Variants in UST observed in about 807,000 individuals in gnomAD.
UST encodes chondroitin sulfate 2-O-sulfotransferase.
UST carries 21 observed loss-of-function variants against 45.6 expected under a neutral mutation model. The observed-to-expected ratio is 0.46, with a 90% CI of 0.33 to 0.66. The LOEUF (loss-of-function observed/expected upper bound fraction) is 0.66, where lower values mean the gene tolerates loss of function less well. Among genes scored for constraint, UST ranks in the 30% least tolerant of loss-of-function variants. UST has a pLI of 0.02. For synonymous variants in UST, 215 were observed against 200.6 expected, an observed-to-expected ratio of 1.07 and a Z score of -0.61; for missense variants, 463 against 512.4, an observed-to-expected ratio of 0.90 and a Z score of 0.93.
chr6:148,878,692 C>T (rs1370095608), intron 1 of UST, among the ~76,000 whole-genome samples: 13 of 125,048 alleles, frequency 1.0e-4, no homozygotes, highest in Admixed American at 1.8e-4. Context: ...GTGCGGGGGT[C>T]GTGTGTGAGT....
At chr6:149,045,845 A>G (rs1324334292) in intron 7 of UST, among the ~76,000 whole-genome samples, 1 of 152,168 alleles carries the variant, frequency 6.6e-6, no homozygotes, top group Non-Finnish European at 1.5e-5. Flanking sequence ...CCACAGTGCC[A>G]CAATTTTGCC....
intron 1 of UST, among the ~76,000 whole-genome samples, chr6:148,867,399 C>G (rs1257851762): frequency 6.6e-6 from 1 of 151,924 alleles, no homozygotes; most frequent in Non-Finnish European, 1.5e-5. Context: ...AGCACCGACT[C>G]TTTATAAAGA....
At chr6:148,827,262 C>G (rs34780175) in intron 1 of UST, among the ~76,000 whole-genome samples, 2 of 152,108 alleles carry the variant, frequency 1.3e-5, no homozygotes, top group Admixed American at 6.6e-5. Flanking sequence ...GAATTAGATT[C>G]TGAAGTTTTA....
intron 1 of UST, among the ~76,000 whole-genome samples, chr6:148,759,838 ACT>A (rs1356320296): frequency 2.6e-5 from 3 of 115,734 alleles, no homozygotes; most frequent in South Asian, 2.9e-4. Context: ...ACAGAGCGAG[ACT>A]CTGTCTCAAA....
At position 148,919,428 on chromosome 6, in the gene UST, G is replaced by T. The variant is rs568837300; in HGVS notation, c.292-21851G>T. 8.2e-4 allele frequency among the ~76,000 whole-genome samples: 125 copies of T among 151,976 alleles called. 1 individual carries two copies. The highest frequency in any genetic ancestry group is 2.9e-3 in the African/African-American group (121 of 41,376). ...CTCAGTGTCAGAGCCGTGTGTGTGT[G>T]TGTGTGTGTGTGTGTGTACACTTCT... On this transcript the variant is annotated intron_variant, in intron 2 of 7. Coordinates refer to ENST00000367463, the MANE Select transcript of UST (RefSeq NM_005715.3).
chr6:148,814,333 A>G (rs1777317263), intron 1 of UST, among the ~76,000 whole-genome samples: 1 of 152,124 alleles, frequency 6.6e-6, no homozygotes, highest in Non-Finnish European at 1.5e-5. Context: ...CTGCTTTTAG[A>G]GACTTAGAAG....
intron 5 of UST, among the ~76,000 whole-genome samples, chr6:148,982,496 T>C (rs974937197): frequency 1.3e-5 from 2 of 152,174 alleles, no homozygotes; most frequent in Non-Finnish European, 2.9e-5. Flanking sequence ...TACTATGACA[T>C]TGGCAACACC....
intron 7 of UST, among the ~76,000 whole-genome samples, chr6:149,071,428 T>C (rs1327275183): frequency 1.3e-5 from 2 of 152,092 alleles, no homozygotes; most frequent in African/African-American, 4.8e-5. Context: ...TAAAAGAAAA[T>C]GTGAGGGCAA....
chr6:148,927,183 AGAGAGAAAGGG>A (rs1347381391), intron 2 of UST, among the ~76,000 whole-genome samples: 2 of 151,880 alleles, frequency 1.3e-5, no homozygotes, highest in African/African-American at 4.8e-5. Context: ...AAAGAGAGAG[AGAGAGAAAGGG>A]GAGGGAAAGG....
intron 2 of UST, among the ~76,000 whole-genome samples, chr6:148,932,541 T>C (rs185151602): frequency 6.6e-6 from 1 of 152,358 alleles, no homozygotes; most frequent in Non-Finnish European, 1.5e-5. Context: ...TATTTGTTAA[T>C]TTGAAATTTG....
intron 1 of UST, among the ~76,000 whole-genome samples, chr6:148,833,667 G>C (rs565716676): frequency 1.4e-4 from 21 of 152,188 alleles, no homozygotes; most frequent in African/African-American, 4.6e-4. Context: ...AGATGTTCTA[G>C]TTTTGCTGGA....
intron 2 of UST, among the ~76,000 whole-genome samples, chr6:148,892,362 C>T (rs1409598345): frequency 1.3e-5 from 2 of 152,142 alleles, no homozygotes; most frequent in Non-Finnish European, 2.9e-5. Context: ...CCACTCTAGT[C>T]AATGAAATTA....
chr6:148,919,444 G>GTGTGTGTGTGTGTGTA (rs4047184), intron 2 of UST, among the ~76,000 whole-genome samples: 5 of 147,562 alleles, frequency 3.4e-5, no homozygotes, highest in African/African-American at 1.0e-4. Flanking sequence ...GTGTGTGTGT[G>GTGTGTGTGTGTGTGTA]TACACTTCTG....
chr6:148,937,663 C>T (rs1197933816), intron 2 of UST, among the ~76,000 whole-genome samples: 1 of 152,202 alleles, frequency 6.6e-6, no homozygotes, highest in Non-Finnish European at 1.5e-5. Context: ...GTCCAAGAGG[C>T]ACCTGTACTC....
chr6:148,977,515 GC>G (rs1355292092), intron 5 of UST, among the ~76,000 whole-genome samples: 1 of 151,976 alleles, frequency 6.6e-6, no homozygotes, highest in Non-Finnish European at 1.5e-5. Flanking sequence ...ACTTTGGGAG[GC>G]CAGGGCGGGC....
chr6:148,840,343 A>G (rs1562273684), intron 1 of UST, among the ~76,000 whole-genome samples: 1 of 152,184 alleles, frequency 6.6e-6, no homozygotes, highest in Non-Finnish European at 1.5e-5. Context: ...AGGAATGTCC[A>G]TGGGAAAATG....
intron 7 of UST, among the ~76,000 whole-genome samples, chr6:149,031,751 C>A (rs987447704): frequency 2.0e-5 from 3 of 152,152 alleles, no homozygotes; most frequent in Non-Finnish European, 4.4e-5. Context: ...ACACCTCCAG[C>A]AAATAAATAG....
At chr6:148,958,461 T>G (rs542450241) in intron 4 of UST, among the ~76,000 whole-genome samples, 3 of 152,214 alleles carry the variant, frequency 2.0e-5, no homozygotes, top group African/African-American at 7.2e-5. Flanking sequence ...CAAATGTTTT[T>G]CACCTGGACT....
chr6:148,860,833 C>G (rs185167017), intron 1 of UST, among the ~76,000 whole-genome samples: 24 of 152,218 alleles, frequency 1.6e-4, no homozygotes, highest in Admixed American at 1.4e-3. Flanking sequence ...GCCTTGCATC[C>G]CAGGGATGAA....
Sources: gnomAD v4.1 joint callset for allele counts (sites outside exome capture counted in the v4.1 genomes callset) on GRCh38, gnomAD v4.1.1 for gene constraint, MANE v1.5 for transcripts, NCBI Gene and HGNC (gene_info 2026-07-23, HGNC 2026-07-21) for gene names.